Variants in PPIL1 observed in about 807,000 individuals in gnomAD.
The protein encoded by PPIL1 is peptidylprolyl isomerase like 1, also known as peptidyl-prolyl cis-trans isomerase-like 1.
In PPIL1, 14 loss-of-function variants were observed where a neutral mutation model predicts 19.4. That is an observed-to-expected ratio of 0.72 (90% confidence interval 0.48 to 1.13). The LOEUF (loss-of-function observed/expected upper bound fraction) is 1.13, where lower values mean the gene tolerates loss of function less well. PPIL1 is among the 50% of genes most tolerant of loss of function. The probability of loss-of-function intolerance (pLI) is 0.00; values close to 1 mark genes in which losing one functional copy is unlikely to be tolerated. For synonymous variants in PPIL1, 72 were observed against 73.6 expected (o/e 0.98, Z 0.11); for missense variants, 192 against 218.0 (o/e 0.88, Z 0.75).
At chr6:36,856,169 G>A (rs1162955152) in intron 3 of PPIL1, 136 bp from the exon 4 acceptor site, 1 of 886,644 alleles carries the variant, frequency 1.1e-6, no homozygotes. Flanking sequence ...CAACCCCTCA[G>A]GGCAGTCTCT....
At chr6:36,870,196 ACT>A (rs1325594331) in intron 2 of PPIL1, among the ~76,000 whole-genome samples, 2 of 152,182 alleles carry the variant, frequency 1.3e-5, no homozygotes. Flanking sequence ...CTGAGAAAAG[ACT>A]CTGCTATAGA....
intron 2 of PPIL1, among the ~76,000 whole-genome samples, chr6:36,869,075 T>G (rs1774456125): frequency 6.6e-6 from 1 of 151,944 alleles, no homozygotes; most frequent in African/African-American, 2.4e-5. Context: ...AGTCTCAACC[T>G]CCCAGGTTCA....
chr6:36,867,497 C>T (rs1325735707), intron 2 of PPIL1, among the ~76,000 whole-genome samples: 1 of 152,234 alleles, frequency 6.6e-6, no homozygotes, highest in Non-Finnish European at 1.5e-5. Context: ...AAATACCCTC[C>T]GATTCTGAAC....
At chr6:36,870,985 T>C (rs1583119943) in intron 2 of PPIL1, among the ~76,000 whole-genome samples, 1 of 152,314 alleles carries the variant, frequency 6.6e-6, no homozygotes, top group East Asian at 1.9e-4. Context: ...AACTCTCCAA[T>C]GACTCACATC....
rs138091362 is a variant in PPIL1 at position 36,855,846 on chromosome 6, G to A, written c.468C>T (p.Asp156=). The stretch of plus-strand genomic sequence containing the variant: ...AAGGGTATGCCTTAATGATCTTCAC[G>A]TCGTCCACAGGGCGGTCCTGGGAGT... ...ETNSQDRPVD[D]VKIIKAYPSG Residue 156 remains aspartate, a synonymous_variant, in exon 4 of 4, where the codon GAC becomes GAT. Coordinates refer to ENST00000373699, the MANE Select transcript of PPIL1 (RefSeq NM_016059.5). 454 of 1,614,148 alleles carry A rather than the reference G, an allele frequency of 2.8e-4. 1 individual carries two copies. Among genetic ancestry groups the A allele is most frequent in the East Asian group, 5.8e-4 (26 of 44,878 alleles).
intron 2 of PPIL1, chr6:36,858,587 G>C (rs1583106205): frequency 6.6e-6 from 1 of 152,184 alleles, no homozygotes; most frequent in East Asian, 1.9e-4. Flanking sequence ...TTCACCACAG[G>C]GAGCCTGTCA....
chr6:36,874,715 A>C lies in PPIL1; in HGVS notation c.56+2T>G. The C allele has an allele frequency of 6.2e-7, 1 of 1,613,790 alleles. No individual in the cohort carries two copies. Among genetic ancestry groups the C allele is most frequent in the Non-Finnish European group, 8.5e-7 (1 of 1,179,862 alleles). ...CAGCCCCAGACGCCCGAACCCCCTC[A>C]CCTGGTCTCCAAGTAAACGTTGGGT... On this transcript the variant is annotated splice_donor_variant, in intron 1 of 3. Coordinates refer to ENST00000373699, the MANE Select transcript of PPIL1 (RefSeq NM_016059.5). LOFTEE classifies it high-confidence loss of function.
chr6:36,856,895 AAT>A (rs1774178924), intron 2 of PPIL1, among the ~76,000 whole-genome samples: 1 of 152,238 alleles, frequency 6.6e-6, no homozygotes, highest in South Asian at 2.1e-4. Flanking sequence ...TGCACATTAA[AAT>A]AATACATGTT....
intron 2 of PPIL1, 42 bp downstream of exon 2, chr6:36,871,676 A>G (rs1774513309): frequency 7.0e-7 from 1 of 1,429,286 alleles, no homozygotes; most frequent in African/African-American, 1.5e-5. Flanking sequence ...CGAAAAGGAG[A>G]AAAAAAAAAG....
Position 36,868,921 on chromosome 6 carries a change from A to G in PPIL1, c.211+2797T>C, listed in dbSNP as rs75846864. ...AGGCAATTGATCAGAAATGTCTAAAAAGATCTCAGAATGCTATACCCAGTT... is the reference window on the plus strand; with the variant it reads ...AGGCAATTGATCAGAAATGTCTAAAGAGATCTCAGAATGCTATACCCAGTT... On this transcript the variant is annotated intron_variant, in intron 2 of 3. Coordinates refer to ENST00000373699, the MANE Select transcript of PPIL1 (RefSeq NM_016059.5). Among the ~76,000 whole-genome samples the G allele has an allele frequency of 6.7e-4, 102 of 152,282 alleles. 3 individuals are homozygous for G. In the East Asian group the frequency reaches 0.018, roughly 26 times the overall value.
chr6:36,862,328 G>A (rs949392230), intron 2 of PPIL1, among the ~76,000 whole-genome samples: 3 of 152,136 alleles, frequency 2.0e-5, no homozygotes, highest in Admixed American at 1.3e-4. Flanking sequence ...GACACTGTCC[G>A]TCAGTAGTCT....
At chr6:36,871,905 C>A in intron 1 of PPIL1, 33 bp from the exon 2 acceptor site, 1 of 1,539,642 alleles carries the variant, frequency 6.5e-7, no homozygotes, top group Admixed American at 2.3e-5. Context: ...CTCCAGTAAA[C>A]AAAAAGGTCA....
chr6:36,859,811 T>TTTTGTG (rs112797928), intron 2 of PPIL1, among the ~76,000 whole-genome samples: 2 of 144,886 alleles, frequency 1.4e-5, no homozygotes, highest in African/African-American at 5.2e-5. Flanking sequence ...CTGTTTTCTA[T>TTTTGTG]TGTGTGTGTG....
chr6:36,856,099 C>T, intron 3 of PPIL1, 66 bp from the exon 4 acceptor site: 5 of 1,501,320 alleles, frequency 3.3e-6, no homozygotes, highest in Non-Finnish European at 4.5e-6. Flanking sequence ...AGAGCTGCTG[C>T]CCCATCCTAG....
chr6:36,863,208 G>A (rs1043499288), intron 2 of PPIL1, among the ~76,000 whole-genome samples: 4 of 152,124 alleles, frequency 2.6e-5, no homozygotes, highest in African/African-American at 7.2e-5. Context: ...GTGCCACCTC[G>A]GGAGGCAGCC....
intron 2 of PPIL1, among the ~76,000 whole-genome samples, chr6:36,861,136 T>C (rs1774279932): frequency 6.6e-6 from 1 of 152,184 alleles, no homozygotes; most frequent in Non-Finnish European, 1.5e-5. Context: ...CACAGGGTCA[T>C]AGTTTGAGTA....
At chr6:36,866,752 G>A (rs1021347234) in intron 2 of PPIL1, among the ~76,000 whole-genome samples, 1 of 152,108 alleles carries the variant, frequency 6.6e-6, no homozygotes. Flanking sequence ...ATGAGGGGGA[G>A]AGAGGAAGAA....
At chr6:36,866,840 GCCTC>G (rs375934228) in intron 2 of PPIL1, among the ~76,000 whole-genome samples, 94 of 152,294 alleles carry the variant, frequency 6.2e-4, no homozygotes, top group African/African-American at 2.2e-3. Context: ...ACTAGACTCT[GCCTC>G]CCTGTTGTGC....
At chr6:36,857,611 G>A (rs948917806) in intron 2 of PPIL1, among the ~76,000 whole-genome samples, 1 of 152,030 alleles carries the variant, frequency 6.6e-6, no homozygotes, top group African/African-American at 2.4e-5. Context: ...CACTGCACCT[G>A]GCTCACAAAA....
Sources: allele counts gnomAD v4.1 joint callset (sites outside exome capture counted in the v4.1 genomes callset), GRCh38; gene constraint gnomAD v4.1.1; transcripts MANE v1.5; gene names NCBI Gene and HGNC (gene_info 2026-07-23, HGNC 2026-07-21).